FRMD4A: variants seen among roughly 807,000 people sequenced by gnomAD.
The protein encoded by FRMD4A is FERM domain containing 4A, also known as FERM domain-containing protein 4A.
In FRMD4A, 29 loss-of-function variants were observed where a neutral mutation model predicts 129.1. That is an observed-to-expected ratio of 0.22 (90% CI 0.17 to 0.31). FRMD4A has a LOEUF of 0.31. Among genes scored for constraint, FRMD4A ranks in the 10% least tolerant of loss-of-function variants. The probability of loss-of-function intolerance (pLI) is 1.00; values close to 1 mark genes in which losing one functional copy is unlikely to be tolerated. For synonymous variants in FRMD4A, 634 were observed against 571.6 expected (o/e 1.11, Z -1.56); for missense variants, 1,272 against 1,375.8 (o/e 0.92, Z 1.19).
chr10:14,315,047 C>T (rs145031654), intron 2 of FRMD4A, among the ~76,000 whole-genome samples: 28 of 151,910 alleles, frequency 1.8e-4, no homozygotes, highest in South Asian at 6.3e-4. Flanking sequence ...TCTCTTTATA[C>T]GACAAATTAT....
intron 2 of FRMD4A, among the ~76,000 whole-genome samples, chr10:14,328,659 T>TGTGTGTGTGC (rs398054139): frequency 7.0e-6 from 1 of 143,220 alleles, no homozygotes; most frequent in Non-Finnish European, 1.6e-5. Context: ...TGTGTGTGTG[T>TGTGTGTGTGC]GCATATGTGT....
chr10:13,929,990 A>C (rs2095175180), intron 2 of FRMD4A, among the ~76,000 whole-genome samples: 1 of 152,212 alleles, frequency 6.6e-6, no homozygotes, highest in African/African-American at 2.4e-5. Context: ...ATAAATATTA[A>C]CCAAAAGGAT....
intron 22 of FRMD4A, 146 bp downstream of exon 22, chr10:13,656,490 C>T: frequency 9.9e-7 from 1 of 1,008,558 alleles, no homozygotes; most frequent in Non-Finnish European, 1.3e-6. Context: ...TCTCCCGCAT[C>T]TAACAGCAGC....
At chr10:13,758,749 T>C (rs1434560668) in intron 8 of FRMD4A, among the ~76,000 whole-genome samples, 3 of 152,204 alleles carry the variant, frequency 2.0e-5, no homozygotes, top group Admixed American at 1.3e-4. Context: ...TCCATGTGCC[T>C]ATTTTTTCCT....
chr10:14,116,234 C>T (rs1376860973), intron 2 of FRMD4A, among the ~76,000 whole-genome samples: 1 of 152,178 alleles, frequency 6.6e-6, no homozygotes, highest in African/African-American at 2.4e-5. Flanking sequence ...GAAAGAAACA[C>T]AGGGACATGT....
At chr10:14,266,086 C>T (rs368921348) in intron 2 of FRMD4A, among the ~76,000 whole-genome samples, 8 of 130,056 alleles carry the variant, frequency 6.2e-5, no homozygotes, top group Middle Eastern at 4.0e-3. Flanking sequence ...GTGAACTGAA[C>T]GGGTGTGGGT....
At chr10:13,714,059 TA>T (rs1554859104) in intron 12 of FRMD4A, among the ~76,000 whole-genome samples, 2 of 101,314 alleles carry the variant, frequency 2.0e-5, no homozygotes, top group Admixed American at 2.5e-4. Context: ...TATATATATA[TA>T]AAATATACTT....
intron 2 of FRMD4A, among the ~76,000 whole-genome samples, chr10:13,910,348 G>A (rs894454141): frequency 6.6e-6 from 1 of 152,154 alleles, no homozygotes; most frequent in South Asian, 2.1e-4. Context: ...CTCAGCCCAG[G>A]CCTCAGAGAG....
intron 2 of FRMD4A, among the ~76,000 whole-genome samples, chr10:14,209,078 G>A (rs1842866061): frequency 6.6e-6 from 1 of 151,988 alleles, no homozygotes; most frequent in South Asian, 2.1e-4. Flanking sequence ...CAGGGTTGAA[G>A]GATTCCTCCC....
At chr10:13,749,095 C>T (rs2091437458) in intron 8 of FRMD4A, among the ~76,000 whole-genome samples, 1 of 152,166 alleles carries the variant, frequency 6.6e-6, no homozygotes, top group Non-Finnish European at 1.5e-5. Context: ...TTACTACCTC[C>T]AGAGCAACAA....
In FRMD4A at chr10:13,657,313, T is replaced by C. The variant is rs545384628; in HGVS notation, c.2276A>G (p.Tyr759Cys). Residue 759 changes from tyrosine (Y) to cysteine (C), a missense_variant, in exon 22 of 25, where the codon TAC becomes TGC. Tyr to Cys is a radical substitution (Grantham distance 194). This residue lies in a region of FRMD4A where 972 missense variants were observed against 892.3 expected (regional missense o/e 1.09). Transcript: ENST00000357447. The stretch of plus-strand genomic sequence containing the variant: ...GTTGGCGTTCATCTGCGCCGGGTAG[T>C]AGTGCTCCGAGCTCGAGTGGCTGGT... ...SCTSHSSSEH[Y>C]YPAQMNANYS... 3.1e-6 allele frequency: 5 copies of C among 1,611,606 alleles called. No homozygotes were observed. Among genetic ancestry groups the C allele is most frequent in the Admixed American group, 1.7e-5 (1 of 59,952 alleles).
At chr10:13,987,129 G>T (rs780045468) in intron 2 of FRMD4A, among the ~76,000 whole-genome samples, 28 of 152,150 alleles carry the variant, frequency 1.8e-4, no homozygotes, top group Non-Finnish European at 2.5e-4. Flanking sequence ...GTGATTGAGA[G>T]AAATAGAAGC....
Position 14,330,710 on chromosome 10 carries a change from C to T in FRMD4A, c.-195G>A, listed in dbSNP as rs1843485794. 1 of 398,842 alleles carries T rather than the reference C, an allele frequency of 2.5e-6. No homozygotes were observed. The highest frequency in any genetic ancestry group is 4.4e-5 in the Admixed American group (1 of 22,772). The allele number at this position is 398,842 out of a possible 1,614,324, so 24.7% of individuals were successfully genotyped here. ...CTGACCATGAGGCACCAGGCAGTCA[C>T]TGGAGATCAGCAAATGCCCTTACCA... is the stretch of plus-strand genomic sequence containing the variant. On this transcript the variant is annotated 5_prime_UTR_variant, in exon 1 of 25. The change creates a new upstream start codon in the 5' untranslated region. Coordinates refer to ENST00000357447, the MANE Select transcript of FRMD4A (RefSeq NM_018027.5).
At chr10:14,239,749 A>G (rs917989204) in intron 2 of FRMD4A, among the ~76,000 whole-genome samples, 2 of 152,244 alleles carry the variant, frequency 1.3e-5, no homozygotes, top group Non-Finnish European at 2.9e-5. Flanking sequence ...GACTGTTGAG[A>G]TTGCACAGAC....
chr10:13,978,559 G>A (rs1471645507), intron 2 of FRMD4A, among the ~76,000 whole-genome samples: 1 of 152,142 alleles, frequency 6.6e-6, no homozygotes, highest in Non-Finnish European at 1.5e-5. Context: ...CTGAGTGGGT[G>A]ATATGCAAAA....
chr10:14,026,418 G>A (rs1248882510), intron 2 of FRMD4A, among the ~76,000 whole-genome samples: 1 of 152,188 alleles, frequency 6.6e-6, no homozygotes, highest in Admixed American at 6.5e-5. Context: ...GATGAGTTTA[G>A]CTTGACAGTG....
chr10:14,173,850 A>G (rs560564540), intron 2 of FRMD4A, among the ~76,000 whole-genome samples: 3 of 151,854 alleles, frequency 2.0e-5, no homozygotes, highest in African/African-American at 7.2e-5. Context: ...TTCCCCTCAG[A>G]TCGCGCTGCC....
chr10:13,877,011 A>C (rs1198155621), intron 2 of FRMD4A, among the ~76,000 whole-genome samples: 1 of 152,192 alleles, frequency 6.6e-6, no homozygotes, highest in Non-Finnish European at 1.5e-5. Flanking sequence ...AGCAGAATCA[A>C]TGTGGATCTG....
At chr10:13,780,758 G>T (rs2092712801) in intron 6 of FRMD4A, among the ~76,000 whole-genome samples, 1 of 152,118 alleles carries the variant, frequency 6.6e-6, no homozygotes, top group African/African-American at 2.4e-5. Flanking sequence ...TGGTGCAGCT[G>T]CTATGGAAAA....
Sources: gnomAD v4.1 joint callset for allele counts (sites outside exome capture counted in the v4.1 genomes callset) on GRCh38, gnomAD v4.1.1 for gene constraint, gnomAD v4.1.1 regional missense constraint, MANE v1.5 for transcripts, NCBI Gene and HGNC (gene_info 2026-07-23, HGNC 2026-07-21) for gene names.